The following XPR1 variants were observed in gnomAD, a reference collection of about 807,000 sequenced individuals.
The protein encoded by XPR1 is solute carrier family 53 member 1.
A neutral mutation model predicts 87.5 loss-of-function variants in XPR1; 28 were observed. The observed-to-expected ratio is 0.32, with a 90% CI of 0.24 to 0.44. The LOEUF (loss-of-function observed/expected upper bound fraction) is 0.44, where lower values mean the gene tolerates loss of function less well. Ranked by LOEUF, XPR1 falls within the 20% of genes least tolerant of loss-of-function variation. XPR1 has a pLI of 1.00. For missense variants in XPR1, 559 were observed against 862.3 expected, an observed-to-expected ratio of 0.65 and a Z score of 4.41; for synonymous variants, 300 against 306.1, an observed-to-expected ratio of 0.98 and a Z score of 0.21.
At chr1:180,814,300 A>C (rs941237741) in intron 7 of XPR1, among the ~76,000 whole-genome samples, 1 of 152,194 alleles carries the variant, frequency 6.6e-6, no homozygotes, top group African/African-American at 2.4e-5. Flanking sequence ...TTTATGATGT[A>C]GTGTTGCTAT....
At chr1:180,761,882 C>A (rs1258763342) in intron 2 of XPR1, among the ~76,000 whole-genome samples, 1 of 152,056 alleles carries the variant, frequency 6.6e-6, no homozygotes, top group Non-Finnish European at 1.5e-5. Flanking sequence ...AAATGTCCAA[C>A]AACAATAGAC....
chr1:180,839,495 G>A (rs1021342920), intron 11 of XPR1, among the ~76,000 whole-genome samples: 4 of 151,868 alleles, frequency 2.6e-5, no homozygotes, highest in African/African-American at 7.3e-5. Flanking sequence ...CTTTAAATGT[G>A]CTTTTGCAAA....
intron 1 of XPR1, among the ~76,000 whole-genome samples, chr1:180,656,621 T>A (rs867578094): frequency 2.5e-5 from 2 of 81,362 alleles, no homozygotes; most frequent in African/African-American, 1.1e-4. Flanking sequence ...ATAATATATT[T>A]TATATATGTA....
At chr1:180,726,133 G>A (rs1454587956) in intron 2 of XPR1, among the ~76,000 whole-genome samples, 1 of 152,014 alleles carries the variant, frequency 6.6e-6, no homozygotes. Context: ...GTAAATGCAC[G>A]AATCAGCCCT....
At chr1:180,698,743 A>G (rs994723098) in intron 2 of XPR1, among the ~76,000 whole-genome samples, 2 of 151,960 alleles carry the variant, frequency 1.3e-5, no homozygotes, top group South Asian at 4.1e-4. Context: ...AAAAAAAAAT[A>G]TTTCTCCTTC....
At chr1:180,706,194 A>T (rs920416416) in intron 2 of XPR1, among the ~76,000 whole-genome samples, 4 of 152,206 alleles carry the variant, frequency 2.6e-5, no homozygotes, top group African/African-American at 7.2e-5. Context: ...ATTTGGAGTT[A>T]CTAGTTTAAT....
intron 11 of XPR1, among the ~76,000 whole-genome samples, chr1:180,850,742 A>G (rs372274283): frequency 3.9e-5 from 6 of 152,172 alleles, no homozygotes; most frequent in Admixed American, 3.3e-4. Flanking sequence ...AGGATCACTT[A>G]AGGCCTGGAG....
intron 2 of XPR1, among the ~76,000 whole-genome samples, chr1:180,703,335 C>T (rs1657425669): frequency 6.6e-6 from 1 of 152,076 alleles, no homozygotes; most frequent in Non-Finnish European, 1.5e-5. Flanking sequence ...GTCTTCAGTT[C>T]CTAGACATCA....
intron 2 of XPR1, among the ~76,000 whole-genome samples, chr1:180,684,564 T>C (rs2101947753): frequency 6.6e-6 from 1 of 152,308 alleles, no homozygotes; most frequent in South Asian, 2.1e-4. Context: ...ATTGAATCTG[T>C]AAATTACCTT....
intron 7 of XPR1, among the ~76,000 whole-genome samples, chr1:180,813,758 G>A (rs915144456): frequency 1.3e-5 from 2 of 152,152 alleles, no homozygotes; most frequent in Non-Finnish European, 2.9e-5. Flanking sequence ...CTATGTAATT[G>A]TGCTCATAAT....
At chr1:180,657,668 T>A (rs1655582532) in intron 1 of XPR1, among the ~76,000 whole-genome samples, 1 of 152,218 alleles carries the variant, frequency 6.6e-6, no homozygotes, top group South Asian at 2.1e-4. Flanking sequence ...TTTATGCTAG[T>A]ACCATGCTAT....
chr1:180,724,708 A>G (rs1398581537), intron 2 of XPR1, among the ~76,000 whole-genome samples: 1 of 152,194 alleles, frequency 6.6e-6, no homozygotes, highest in Non-Finnish European at 1.5e-5. Flanking sequence ...GATAAACGTT[A>G]TTTAGCTAGA....
chr1:180,716,400 C>T (rs990922803), intron 2 of XPR1, among the ~76,000 whole-genome samples: 3 of 152,062 alleles, frequency 2.0e-5, no homozygotes, highest in African/African-American at 7.2e-5. Flanking sequence ...GAATATTTAC[C>T]GTCTAATTTT....
chr1:180,686,274 A>G lies in XPR1; in HGVS notation c.121+3863A>G, dbSNP rs543641600. On this transcript the variant is annotated intron_variant, in intron 2 of 14. Coordinates refer to ENST00000367590, the MANE Select transcript of XPR1 (RefSeq NM_004736.4). ...GTAGTCATTCAGGAGCAGGTTGTTC[A>G]GTTTCCATGTAGTTGAGCGGTTTTG... Among the ~76,000 whole-genome samples, 10 of 152,248 alleles carry G rather than the reference A, an allele frequency of 6.6e-5. No homozygotes were observed. The South Asian group carries it at 2.1e-3, about 32-fold the overall frequency.
chr1:180,730,676 G>A (rs1244051602), intron 2 of XPR1, among the ~76,000 whole-genome samples: 1 of 151,816 alleles, frequency 6.6e-6, no homozygotes, highest in Non-Finnish European at 1.5e-5. Flanking sequence ...TTTTTTGTTT[G>A]TTTTTTAGAT....
intron 13 of XPR1, among the ~76,000 whole-genome samples, chr1:180,875,872 C>T (rs908937178): frequency 5.9e-5 from 9 of 151,548 alleles, no homozygotes; most frequent in African/African-American, 2.2e-4. Flanking sequence ...TATCAAAAAA[C>T]CTAAAGACAT....
chr1:180,771,439 G>A (rs571270294), intron 2 of XPR1, among the ~76,000 whole-genome samples: 2 of 152,078 alleles, frequency 1.3e-5, no homozygotes, highest in African/African-American at 4.8e-5. Context: ...GTACTCAATC[G>A]TAGTGCAATT....
At chr1:180,851,051 A>G (rs1362582970) in intron 11 of XPR1, among the ~76,000 whole-genome samples, 1 of 152,104 alleles carries the variant, frequency 6.6e-6, no homozygotes, top group African/African-American at 2.4e-5. Flanking sequence ...AATAAATGAA[A>G]TTGTGTCTTT....
intron 2 of XPR1, among the ~76,000 whole-genome samples, chr1:180,718,910 G>T (rs951469636): frequency 6.6e-6 from 1 of 151,968 alleles, no homozygotes; most frequent in Non-Finnish European, 1.5e-5. Flanking sequence ...CTCATGATCC[G>T]CCCACCTTGG....
Sources: allele counts gnomAD v4.1 joint callset (sites outside exome capture counted in the v4.1 genomes callset), GRCh38; gene constraint gnomAD v4.1.1; transcripts MANE v1.5; gene names NCBI Gene and HGNC (gene_info 2026-07-23, HGNC 2026-07-21).